Variants in ZSWIM7 observed in about 807,000 individuals in gnomAD.
ZSWIM7 encodes zinc finger SWIM-type containing 7.
Under a neutral mutation model 21.1 loss-of-function variants are expected in ZSWIM7, and 22 were observed. The ratio of observed to expected loss-of-function variants is 1.04; its 90% CI spans 0.74 to 1.49. ZSWIM7 has a LOEUF of 1.49. Ranked by LOEUF, ZSWIM7 falls within the 40% of genes most tolerant of loss-of-function variation. The pLI, the probability that ZSWIM7 is intolerant of heterozygous loss-of-function variation, is 0.00. For synonymous variants in ZSWIM7, 67 were observed against 66.5 expected (o/e 1.01, Z -0.04); for missense variants, 193 against 168.0 (o/e 1.15, Z -0.82).
Position 15,995,745 on chromosome 17 carries a change from G to A in ZSWIM7, c.77-1967C>T, listed in dbSNP as rs373769966. 9.3e-4 allele frequency among the ~76,000 whole-genome samples: 141 copies of A among 151,944 alleles called. 1 individual carries two copies. Among genetic ancestry groups the A allele is most frequent in the African/African-American group, 3.3e-3 (135 of 41,464 alleles). ...CCAGTAACTTAATTACAGAAATACC[G>A]GAAAGAACAGAGAAAACAGATGGAG... On this transcript the variant is annotated intron_variant, in intron 1 of 4. Transcript: ENST00000399277.
intron 4 of ZSWIM7, 36 bp downstream of exon 4, chr17:15,981,004 T>A: frequency 6.6e-7 from 1 of 1,512,920 alleles, no homozygotes; most frequent in Non-Finnish European, 9.1e-7. Flanking sequence ...TCTCTCTACA[T>A]TCAACTACAG....
chr17:15,999,384 C>G lies in ZSWIM7; in HGVS notation c.76+135G>C, dbSNP rs1037454541. ...TTTTGTTTTTTTGTCTTTTTACGAA[C>G]AAGAGGTTTAGAGAACCACATGGAA... On this transcript the variant is annotated intron_variant, in intron 1 of 4. Coordinates refer to ENST00000399277, the MANE Select transcript of ZSWIM7 (RefSeq NM_001042697.2). 2.6e-5 allele frequency: 29 copies of G among 1,128,630 alleles called. No homozygotes were observed. The African/African-American group carries it at 3.7e-4, about 14-fold the overall frequency. The allele number at this position is 1,128,630 out of a possible 1,614,324, so 69.9% of individuals were successfully genotyped here.
chr17:15,982,221 T>G (rs1348662393), intron 3 of ZSWIM7, among the ~76,000 whole-genome samples: 1 of 151,332 alleles, frequency 6.6e-6, no homozygotes, highest in Non-Finnish European at 1.5e-5. Context: ...TCGCACAAAT[T>G]TGCTGGAGAA....
chr17:15,988,660 G>GAA (rs891287260), intron 2 of ZSWIM7, among the ~76,000 whole-genome samples: 10 of 132,186 alleles, frequency 7.6e-5, no homozygotes, highest in Non-Finnish European at 1.2e-4. Context: ...AAAGAAAAAA[G>GAA]AAAAAAAAAA....
intron 1 of ZSWIM7, among the ~76,000 whole-genome samples, chr17:15,998,435 A>C (rs1970594496): frequency 6.6e-6 from 1 of 152,246 alleles, no homozygotes; most frequent in African/African-American, 2.4e-5. Flanking sequence ...AAAATGCAGT[A>C]CAGTACTTTT....
At chr17:15,984,300 G>T (rs778827838) in intron 3 of ZSWIM7, among the ~76,000 whole-genome samples, 6 of 152,210 alleles carry the variant, frequency 3.9e-5, no homozygotes, top group Non-Finnish European at 8.8e-5. Flanking sequence ...ACTGGAAATT[G>T]ACCTTAAGGA....
chr17:15,992,670 C>T (rs2151629498), intron 2 of ZSWIM7, among the ~76,000 whole-genome samples: 1 of 152,094 alleles, frequency 6.6e-6, no homozygotes, highest in South Asian at 2.1e-4. Flanking sequence ...TATTCCTGAC[C>T]TCAGGTGATT....
intron 3 of ZSWIM7, among the ~76,000 whole-genome samples, chr17:15,981,662 A>G (rs568816117): frequency 1.8e-4 from 28 of 152,146 alleles, no homozygotes; most frequent in African/African-American, 6.7e-4. Flanking sequence ...TAATCCCAGC[A>G]CTTTGGGAGG....
At chr17:15,985,609 G>T (rs914585309) in intron 3 of ZSWIM7, among the ~76,000 whole-genome samples, 1 of 152,136 alleles carries the variant, frequency 6.6e-6, no homozygotes, top group Non-Finnish European at 1.5e-5. Context: ...CAAGATGACA[G>T]CCACAATTCT....
chr17:15,996,790 G>A (rs910177446), intron 1 of ZSWIM7, among the ~76,000 whole-genome samples: 1 of 151,678 alleles, frequency 6.6e-6, no homozygotes, highest in African/African-American at 2.4e-5. Context: ...GGTTGAGGGA[G>A]CAGTGACCTA....
rs1970347590 is a variant in ZSWIM7, at chr17:15,980,948, A to G, written c.306+92T>C. ...CTACCATTTGTTTCAACATATAATAAGATTCCCATTTTGTAGAATAGTTAA... is the reference window on the plus strand; with the variant it reads ...CTACCATTTGTTTCAACATATAATAGGATTCCCATTTTGTAGAATAGTTAA... On this transcript the variant is annotated intron_variant, in intron 4 of 4. Coordinates refer to ENST00000399277, the MANE Select transcript of ZSWIM7 (RefSeq NM_001042697.2). 12 of 891,024 alleles carry G rather than the reference A, an allele frequency of 1.3e-5. 1 individual carries two copies. In the South Asian group the frequency reaches 2.1e-4, roughly 16 times the overall value. 55.2% of individuals were successfully genotyped at this position (891,024 alleles called of 1,614,324 possible).
chr17:15,979,251 T>A (rs1160443659), intron 4 of ZSWIM7, among the ~76,000 whole-genome samples: 1 of 151,816 alleles, frequency 6.6e-6, no homozygotes, highest in African/African-American at 2.4e-5. Flanking sequence ...CCGCCCTTAA[T>A]CCATTTAACC....
Position 15,977,425 on chromosome 17 carries a change from C to T in ZSWIM7, c.*622G>A, listed in dbSNP as rs1368881174. On this transcript the variant is annotated 3_prime_UTR_variant, in exon 5 of 5. Coordinates refer to ENST00000399277, the MANE Select transcript of ZSWIM7 (RefSeq NM_001042697.2). ...TTACTTAAGACTAAATAGGGTCAGG[C>T]GCAGTGGCTCATGCATGTAATTCCA... 2 of 152,110 alleles carry T rather than the reference C, an allele frequency of 1.3e-5. No individual in the cohort carries two copies. Among genetic ancestry groups the T allele is most frequent in the Non-Finnish European group, 2.9e-5 (2 of 68,062 alleles). 9.4% of individuals were successfully genotyped at this position (152,110 alleles called of 1,614,324 possible). A position where few individuals can be genotyped will look rare whatever the true frequency, so the allele number is the denominator to read the frequency against.
At chr17:15,997,155 CAAA>C (rs61144764) in intron 1 of ZSWIM7, among the ~76,000 whole-genome samples, 2 of 115,002 alleles carry the variant, frequency 1.7e-5, no homozygotes, top group Non-Finnish European at 1.9e-5. Flanking sequence ...CAGACTGTCT[CAAA>C]AAAAAAAAAA....
chr17:15,992,258 TTAAG>T (rs1434319701), intron 2 of ZSWIM7, among the ~76,000 whole-genome samples: 1 of 152,074 alleles, frequency 6.6e-6, no homozygotes, highest in Non-Finnish European at 1.5e-5. Flanking sequence ...GTATCAGTAA[TTAAG>T]TATTACTTAT....
At chr17:15,999,396 A>G (rs1970632504) in intron 1 of ZSWIM7, 123 bp downstream of exon 1, 1 of 1,234,606 alleles carries the variant, frequency 8.1e-7, no homozygotes, top group Non-Finnish European at 1.1e-6. Context: ...AGAGGTTTAG[A>G]GAACCACATG....
At chr17:15,998,945 G>A (rs1344635836) in intron 1 of ZSWIM7, among the ~76,000 whole-genome samples, 3 of 151,896 alleles carry the variant, frequency 2.0e-5, no homozygotes, top group Non-Finnish European at 2.9e-5. Context: ...TAGTAGAGAC[G>A]AAGTTTCACC....
rs766198563 is a variant in ZSWIM7 at position 15,993,745 on chromosome 17, A to G, written c.98+12T>C. 2 of 1,476,178 alleles carry G rather than the reference A, an allele frequency of 1.4e-6. No homozygotes were observed. Among genetic ancestry groups the G allele is most frequent in the East Asian group, 2.3e-5 (1 of 43,662 alleles). 91.4% of individuals were successfully genotyped at this position (1,476,178 alleles called of 1,614,324 possible). A position where few individuals can be genotyped will look rare whatever the true frequency, so the allele number is the denominator to read the frequency against. On this transcript the variant is annotated intron_variant, in intron 2 of 4. Transcript: ENST00000399277. ...TTAAAAAAAAATCAAATACAACAGT[A>G]TATGTACTTACGATAACAGATATTC... is the stretch of plus-strand genomic sequence containing the variant.
rs138828570 is a variant in ZSWIM7, at chr17:15,998,817, C to T, written c.76+702G>A. Among the ~76,000 whole-genome samples, 1,404 of 149,952 alleles carry T rather than the reference C, an allele frequency of 9.4e-3. 26 individuals carry two copies. The highest frequency in any genetic ancestry group is 0.033 in the African/African-American group (1,340 of 40,728). ...TTGCCCAGGCTGGAGTGCAATGGCGCGATCTCGGCTCACGGCAACCTCCGC... is the reference window on the plus strand; with the variant it reads ...TTGCCCAGGCTGGAGTGCAATGGCGTGATCTCGGCTCACGGCAACCTCCGC... On this transcript the variant is annotated intron_variant, in intron 1 of 4. Transcript: ENST00000399277.
Sources: allele counts gnomAD v4.1 joint callset (sites outside exome capture counted in the v4.1 genomes callset), GRCh38; gene constraint gnomAD v4.1.1; transcripts MANE v1.5; gene names NCBI Gene and HGNC (gene_info 2026-07-23, HGNC 2026-07-21).